The following KIF2A variants were observed in gnomAD, a reference collection of about 807,000 sequenced individuals.
KIF2A encodes the protein kinesin-like protein KIF2A.
A neutral mutation model predicts 100.2 loss-of-function variants in KIF2A; 22 were observed. The observed-to-expected ratio is 0.22, with a 90% CI of 0.16 to 0.31. The LOEUF (loss-of-function observed/expected upper bound fraction) is 0.31, where lower values mean the gene tolerates loss of function less well. KIF2A is among the 10% of genes least tolerant of loss of function. KIF2A has a pLI of 1.00. For missense variants in KIF2A, 495 were observed against 898.7 expected (o/e 0.55, Z 5.74); for synonymous variants, 268 against 285.9 (o/e 0.94, Z 0.63).
intron 17 of KIF2A, among the ~76,000 whole-genome samples, chr5:62,373,080 A>T (rs1439351152): frequency 1.3e-5 from 2 of 152,018 alleles, no homozygotes; most frequent in Admixed American, 6.6e-5. Flanking sequence ...AATTTTTTTT[A>T]AAGTAAGGAA....
chr5:62,355,494 G>A (rs1748054729), intron 7 of KIF2A, among the ~76,000 whole-genome samples: 1 of 152,110 alleles, frequency 6.6e-6, no homozygotes, highest in Admixed American at 6.5e-5. Flanking sequence ...AAACCTCCCT[G>A]TCTTTGGGAG....
intron 1 of KIF2A, among the ~76,000 whole-genome samples, chr5:62,343,008 T>G (rs10939936): frequency 6.6e-6 from 1 of 152,152 alleles, no homozygotes; most frequent in African/African-American, 2.4e-5. Context: ...CGCCTCAGCC[T>G]CCCAAAGTGC....
chr5:62,312,776 T>C (rs1427023152), intron 1 of KIF2A, among the ~76,000 whole-genome samples: 1 of 152,222 alleles, frequency 6.6e-6, no homozygotes, highest in Non-Finnish European at 1.5e-5. Flanking sequence ...GTGTTCCTTT[T>C]AAAAGTCATG....
intron 1 of KIF2A, among the ~76,000 whole-genome samples, chr5:62,309,342 A>G (rs1745456817): frequency 6.6e-6 from 1 of 152,144 alleles, no homozygotes; most frequent in Non-Finnish European, 1.5e-5. Context: ...TATTATCCTA[A>G]CCTATGGTCA....
chr5:62,335,225 C>T (rs1268932301), intron 1 of KIF2A, among the ~76,000 whole-genome samples: 2 of 152,208 alleles, frequency 1.3e-5, no homozygotes, highest in African/African-American at 4.8e-5. Context: ...GTGTCAGTAG[C>T]AGGGTTGGAG....
At chr5:62,365,025 A>G (rs1741000182) in intron 14 of KIF2A, among the ~76,000 whole-genome samples, 1 of 152,184 alleles carries the variant, frequency 6.6e-6, no homozygotes, top group African/African-American at 2.4e-5. Flanking sequence ...GCCTGGAGAC[A>G]AAGGTTGTAG....
chr5:62,348,295 T>C, intron 3 of KIF2A, 128 bp downstream of exon 3: 1 of 827,022 alleles, frequency 1.2e-6, no homozygotes, highest in Non-Finnish European at 1.9e-6. Flanking sequence ...TTTTCTGCCA[T>C]CATATTCATA....
chr5:62,352,658 T>C lies in KIF2A; in HGVS notation c.405T>C (p.Ser135=). 1 of 1,610,706 alleles carries C rather than the reference T, an allele frequency of 6.2e-7. No homozygotes were observed. The highest frequency in any genetic ancestry group is 8.5e-7 in the Non-Finnish European group (1 of 1,177,970). The change falls in exon 5 of 21, where the codon AGT becomes AGC. Residue 135 remains serine, a synonymous_variant. Transcript: ENST00000407818. The stretch of plus-strand genomic sequence containing the variant: ...CTTCCTCTGCACAACAGAATGGTAG[T>C]GTTTCAGATATATCTCCAGTTCAAG... ...EQSSSAQQNG[S]VSDISPVQAA... is the part of the protein sequence containing the mutation.
Position 62,377,660 on chromosome 5 carries a change from GGAA to G in KIF2A, c.1919_1921del (p.Glu640del). On this transcript the variant is annotated inframe_deletion and splice_region_variant, in exon 19 of 21. Transcript: ENST00000407818. ...AATTTCTTAACTATTTTTATTTTAA[GGAA>G]GAAGAAGTCTCTCCACAGTTGTTTA... 4.7e-6 allele frequency: 7 copies of G among 1,479,366 alleles called. No homozygotes were observed. Among genetic ancestry groups the G allele is most frequent in the Non-Finnish European group, 6.4e-6 (7 of 1,093,684 alleles). The allele number at this position is 1,479,366 out of a possible 1,614,324, so 91.6% of individuals were successfully genotyped here.
At chr5:62,321,399 A>T (rs1273235015) in intron 1 of KIF2A, among the ~76,000 whole-genome samples, 2 of 152,066 alleles carry the variant, frequency 1.3e-5, no homozygotes, top group African/African-American at 4.8e-5. Context: ...GAGGGTTCCA[A>T]TTTTCTACAT....
Position 62,350,058 on chromosome 5 carries a change from T to C in KIF2A, c.280-8T>C. ...AGAAAACATAATGAACATTTTTTCC[T>C]TTCATAGAATCGACGGACTGTAGCT... On this transcript the variant is annotated splice_region_variant and splice_polypyrimidine_tract_variant and intron_variant, in intron 3 of 20. Coordinates refer to ENST00000407818, the MANE Select transcript of KIF2A (RefSeq NM_001098511.3). 1 of 1,576,544 alleles carries C rather than the reference T, an allele frequency of 6.3e-7. No individual in the cohort carries two copies. Among genetic ancestry groups the C allele is most frequent in the East Asian group, 2.3e-5 (1 of 44,242 alleles).
At chr5:62,362,116 G>A (rs1748443581) in intron 11 of KIF2A, among the ~76,000 whole-genome samples, 1 of 151,456 alleles carries the variant, frequency 6.6e-6, no homozygotes, top group East Asian at 1.9e-4. Context: ...GCACATTGTT[G>A]GAGATGAGTC....
chr5:62,322,868 T>C (rs1746170417), intron 1 of KIF2A, among the ~76,000 whole-genome samples: 1 of 147,386 alleles, frequency 6.8e-6, no homozygotes, highest in African/African-American at 2.5e-5. Flanking sequence ...TTTTGGGTTT[T>C]TTTTTTTAAT....
chr5:62,363,751 A>C lies in KIF2A; in HGVS notation c.1319A>C (p.Gln440Pro). The C allele has an allele frequency of 6.2e-7, 1 of 1,613,966 alleles. No homozygotes were observed. The highest frequency in any genetic ancestry group is 8.5e-7 in the Non-Finnish European group (1 of 1,179,850). ...AHSSRSHAVF[Q>P]IILRRKGKLH... The stretch of plus-strand genomic sequence containing the variant: ...TCATCTCGGAGCCATGCAGTGTTTC[A>C]GATTATTCTTAGAAGGAAAGGAAAA... Residue 440 changes from glutamine (Q) to proline (P), a missense_variant, in exon 14 of 21, where the codon CAG (glutamine) becomes CCG (proline). By Grantham distance (76) the Gln-to-Pro change is moderately conservative. Transcript: ENST00000407818.
intron 16 of KIF2A, 47 bp from the exon 17 acceptor site, chr5:62,372,391 C>A: frequency 9.8e-7 from 1 of 1,022,150 alleles, no homozygotes; most frequent in Non-Finnish European, 1.5e-6. Context: ...GCATTGCTGT[C>A]TTTCAAGAGC....
chr5:62,320,196 C>T (rs1746029662), intron 1 of KIF2A, among the ~76,000 whole-genome samples: 1 of 152,096 alleles, frequency 6.6e-6, no homozygotes, highest in Non-Finnish European at 1.5e-5. Flanking sequence ...CTTTCTTGTA[C>T]TGCATTTCAT....
chr5:62,320,509 A>G (rs1266766184), intron 1 of KIF2A, among the ~76,000 whole-genome samples: 3 of 151,916 alleles, frequency 2.0e-5, no homozygotes, highest in Non-Finnish European at 4.4e-5. Flanking sequence ...CACAGTGTAC[A>G]TTACACTTTT....
chr5:62,310,070 C>CTTTTT (rs5868308), intron 1 of KIF2A, among the ~76,000 whole-genome samples: 2 of 142,764 alleles, frequency 1.4e-5, no homozygotes, highest in African/African-American at 5.3e-5. Context: ...ACTAATAATT[C>CTTTTT]TTTTTTTTTT....
chr5:62,316,947 A>T (rs1030481442), intron 1 of KIF2A, among the ~76,000 whole-genome samples: 2 of 152,172 alleles, frequency 1.3e-5, no homozygotes, highest in Non-Finnish European at 2.9e-5. Context: ...AAATTTTGCC[A>T]TTCATTTTTG....
Sources: allele counts gnomAD v4.1 joint callset (sites outside exome capture counted in the v4.1 genomes callset), GRCh38; gene constraint gnomAD v4.1.1; transcripts MANE v1.5; gene names NCBI Gene and HGNC (gene_info 2026-07-23, HGNC 2026-07-21).